The following LPP variants were observed in gnomAD, a reference collection of about 807,000 sequenced individuals.
LPP encodes the protein lipoma-preferred partner.
Under a neutral mutation model 60.4 loss-of-function variants are expected in LPP, and 38 were observed. That is an observed-to-expected ratio of 0.63 (90% confidence interval 0.49 to 0.83). The LOEUF is 0.83. Among genes scored for constraint, LPP ranks in the 40% least tolerant of loss-of-function variants. LPP has a pLI of 0.00. For missense variants in LPP, 902 were observed against 783.6 expected (o/e 1.15, Z -1.80); for synonymous variants, 328 against 290.8 (o/e 1.13, Z -1.30).
At chr3:188,689,382 G>A (rs1302968269) in intron 7 of LPP, among the ~76,000 whole-genome samples, 2 of 152,130 alleles carry the variant, frequency 1.3e-5, no homozygotes, top group African/African-American at 4.8e-5. Context: ...TTTCACCAAG[G>A]GCAACAAATC....
chr3:188,774,454 T>C (rs943963200), intron 9 of LPP, among the ~76,000 whole-genome samples: 9 of 151,954 alleles, frequency 5.9e-5, no homozygotes, highest in African/African-American at 2.2e-4. Flanking sequence ...CTGTTGTTCT[T>C]TGTGTCTTTT....
chr3:188,678,559 A>G (rs1858657514), intron 7 of LPP, among the ~76,000 whole-genome samples: 1 of 152,236 alleles, frequency 6.6e-6, no homozygotes, highest in South Asian at 2.1e-4. Context: ...AAATGGCAGG[A>G]AGGAGAGTAA....
At chr3:188,559,104 A>G (rs374926417) in intron 6 of LPP, among the ~76,000 whole-genome samples, 130 of 152,152 alleles carry the variant, frequency 8.5e-4, no homozygotes, top group African/African-American at 3.1e-3. Context: ...TAGTCTCCCC[A>G]GATGTAACAT....
At chr3:188,302,692 C>T (rs1331161518) in intron 2 of LPP, among the ~76,000 whole-genome samples, 3 of 152,176 alleles carry the variant, frequency 2.0e-5, no homozygotes. Flanking sequence ...AATGCAGTAA[C>T]TCCCTTCAAA....
At chr3:188,495,200 A>AAT (rs1809832197) in intron 5 of LPP, among the ~76,000 whole-genome samples, 1 of 122,122 alleles carries the variant, frequency 8.2e-6, no homozygotes, top group East Asian at 2.4e-4. Flanking sequence ...TATATTTATA[A>AAT]ATATATATAT....
intron 7 of LPP, among the ~76,000 whole-genome samples, chr3:188,675,754 C>T (rs967491711): frequency 6.6e-5 from 10 of 152,188 alleles, no homozygotes; most frequent in East Asian, 1.9e-4. Context: ...GCTCTGATTG[C>T]TCATTTGCAT....
At chr3:188,394,715 A>T (rs1780499461) in intron 3 of LPP, among the ~76,000 whole-genome samples, 1 of 152,184 alleles carries the variant, frequency 6.6e-6, no homozygotes, top group Admixed American at 6.5e-5. Flanking sequence ...TCATCAAGGG[A>T]AACTTAAAAG....
chr3:188,240,555 A>G (rs2149451856), intron 2 of LPP, among the ~76,000 whole-genome samples: 1 of 152,262 alleles, frequency 6.6e-6, no homozygotes, highest in Admixed American at 6.5e-5. Context: ...AGAGTAGTTG[A>G]GAGCTTTATT....
chr3:188,239,914 A>C (rs536324087), intron 2 of LPP: 1 of 206,128 alleles, frequency 4.9e-6, no homozygotes, highest in African/African-American at 2.3e-5. Context: ...CTAGGGTAGG[A>C]TATCAAAATT....
At chr3:188,759,496 A>G (rs1474648317) in intron 8 of LPP, 1 of 152,480 alleles carries the variant, frequency 6.6e-6, no homozygotes, top group African/African-American at 2.4e-5. Flanking sequence ...AACTAGAACC[A>G]TGGGGTAAGC....
intron 9 of LPP, among the ~76,000 whole-genome samples, chr3:188,775,941 A>G (rs562982219): frequency 6.6e-6 from 1 of 152,376 alleles, no homozygotes; most frequent in East Asian, 1.9e-4. Context: ...GGGAAAAGTG[A>G]GTGTTTAAAC....
chr3:188,866,159 C>T lies in LPP; in HGVS notation c.1411-41C>T, dbSNP rs73888958. 5,494 of 1,417,988 alleles carry T rather than the reference C, an allele frequency of 3.9e-3. 158 individuals carry two copies. The African/African-American group carries it at 0.07, about 18-fold the overall frequency. The allele number at this position is 1,417,988 out of a possible 1,614,324, so 87.8% of individuals were successfully genotyped here. A position where few individuals can be genotyped will look rare whatever the true frequency, so the allele number is the denominator to read the frequency against. ...ATGCCTGTCATGCAGTATGGACCCC[C>T]TTCTGTCCCAGTCTGACGTGGTTTC... On this transcript the variant is annotated intron_variant, in intron 9 of 11. Coordinates refer to ENST00000617246, the MANE Select transcript of LPP (RefSeq NM_001375462.1).
At chr3:188,811,552 G>A (rs139035040) in intron 9 of LPP, among the ~76,000 whole-genome samples, 1 of 152,152 alleles carries the variant, frequency 6.6e-6, no homozygotes, top group East Asian at 1.9e-4. Context: ...GAAACCTATG[G>A]CCTTGTTTTA....
At chr3:188,348,376 G>T (rs569179735) in intron 3 of LPP, among the ~76,000 whole-genome samples, 1 of 152,198 alleles carries the variant, frequency 6.6e-6, no homozygotes, top group South Asian at 2.1e-4. Context: ...TCAAACTCCT[G>T]ACCTCAGGTG....
At chr3:188,674,993 G>A (rs562089334) in intron 7 of LPP, among the ~76,000 whole-genome samples, 1 of 152,310 alleles carries the variant, frequency 6.6e-6, no homozygotes, top group Non-Finnish European at 1.5e-5. Flanking sequence ...TACTTTTTAG[G>A]TGCCATTCTA....
At chr3:188,216,947 A>G (rs2149254675) in intron 1 of LPP, among the ~76,000 whole-genome samples, 1 of 152,300 alleles carries the variant, frequency 6.6e-6, no homozygotes, top group South Asian at 2.1e-4. Context: ...GTATTCATCT[A>G]ATTTTATTAA....
intron 1 of LPP, among the ~76,000 whole-genome samples, chr3:188,181,674 C>G (rs1306944300): frequency 6.6e-6 from 1 of 152,156 alleles, no homozygotes; most frequent in Non-Finnish European, 1.5e-5. Flanking sequence ...TCTGTACATA[C>G]TTTGAAAGCA....
At chr3:188,667,691 G>A (rs1856098306) in intron 7 of LPP, among the ~76,000 whole-genome samples, 1 of 148,554 alleles carries the variant, frequency 6.7e-6, no homozygotes, top group African/African-American at 2.5e-5. Context: ...TTTTGTTTTT[G>A]TTTTTCTTCC....
At chr3:188,372,723 A>T (rs1299219631) in intron 3 of LPP, among the ~76,000 whole-genome samples, 1 of 149,656 alleles carries the variant, frequency 6.7e-6, no homozygotes, top group African/African-American at 2.5e-5. Context: ...TATTATTATT[A>T]TACTTTAAGT....
Sources: allele counts gnomAD v4.1 joint callset (sites outside exome capture counted in the v4.1 genomes callset), GRCh38; gene constraint gnomAD v4.1.1; transcripts MANE v1.5; gene names NCBI Gene and HGNC (gene_info 2026-07-23, HGNC 2026-07-21).